GALM: variants seen among roughly 807,000 people sequenced by gnomAD.
The protein encoded by GALM is galactose mutarotase, also known as aldose 1-epimerase.
Under a neutral mutation model 37.4 loss-of-function variants are expected in GALM, and 43 were observed. The observed-to-expected ratio is 1.15, with a 90% CI of 0.90 to 1.48. The LOEUF (loss-of-function observed/expected upper bound fraction) is 1.48. Ranked by LOEUF, GALM falls within the 40% of genes most tolerant of loss-of-function variation. The pLI, the probability that GALM is intolerant of heterozygous loss-of-function variation, is 0.00. For synonymous variants in GALM, 199 were observed against 170.6 expected, an observed-to-expected ratio of 1.17 and a Z score of -1.30; for missense variants, 456 against 419.1, an observed-to-expected ratio of 1.09 and a Z score of -0.77.
At chr2:38,682,424 C>T (rs998888733) in intron 3 of GALM, among the ~76,000 whole-genome samples, 10 of 152,216 alleles carry the variant, frequency 6.6e-5, no homozygotes, top group African/African-American at 2.4e-4. Flanking sequence ...AGTAATATCT[C>T]ACCTTTTTAT....
At position 38,681,473 on chromosome 2, in the gene GALM, A is replaced by G; in HGVS notation, c.539A>G (p.Asn180Ser). ...AACCTGACCAACCATTCTTACTTCA[A>G]CCTGGCAGGCCAGGTAAGTGAACTT... is the stretch of plus-strand genomic sequence containing the variant. ...PVNLTNHSYF[N>S]LAGQASPNIN... Residue 180 changes from asparagine to serine, a missense_variant, in exon 3 of 7, where the codon AAC becomes AGC. Physicochemically the swap from Asn to Ser is conservative, Grantham distance 46 (BLOSUM62 1). Coordinates refer to ENST00000272252, the MANE Select transcript of GALM (RefSeq NM_138801.3). 1 of 1,613,784 alleles carries G rather than the reference A, an allele frequency of 6.2e-7. No individual in the cohort carries two copies.
At chr2:38,711,663 T>C (rs1310206457) in intron 4 of GALM, among the ~76,000 whole-genome samples, 1 of 133,498 alleles carries the variant, frequency 7.5e-6, no homozygotes, top group African/African-American at 2.8e-5. Context: ...TGAGAAGCAC[T>C]ATGATTAGCA....
At chr2:38,689,484 G>T (rs1490332960) in intron 3 of GALM, among the ~76,000 whole-genome samples, 1 of 152,156 alleles carries the variant, frequency 6.6e-6, no homozygotes, top group Non-Finnish European at 1.5e-5. Flanking sequence ...TGTTTGCCTG[G>T]CAAGTGAGAA....
intron 3 of GALM, among the ~76,000 whole-genome samples, chr2:38,687,126 T>C (rs1665557622): frequency 6.6e-6 from 1 of 152,172 alleles, no homozygotes; most frequent in African/African-American, 2.4e-5. Context: ...TAGTCCCAAA[T>C]TCTCTTCCCT....
chr2:38,701,065 G>T (rs1171657423), intron 4 of GALM, among the ~76,000 whole-genome samples: 1 of 152,216 alleles, frequency 6.6e-6, no homozygotes, highest in Non-Finnish European at 1.5e-5. Context: ...CCTGATTCTA[G>T]TTCCCTGCCC....
In GALM at chr2:38,721,297, G is replaced by C. The variant is rs149612778; in HGVS notation, c.635-8259G>C. 7.2e-3 allele frequency among the ~76,000 whole-genome samples: 1,096 copies of C among 152,238 alleles called. 11 individuals carry two copies. The highest frequency in any genetic ancestry group is 0.026 in the African/African-American group (1,063 of 41,530). ...GTTTAATATTTTGTGACAGAGATCT[G>C]GAATGTTATAAAGTCCTATTTCCAG... On this transcript the variant is annotated intron_variant, in intron 4 of 6. Transcript: ENST00000272252.
intron 6 of GALM, 148 bp downstream of exon 6, chr2:38,732,057 G>A: frequency 1.3e-6 from 1 of 743,280 alleles, no homozygotes; most frequent in Non-Finnish European, 2.2e-6. Flanking sequence ...TCTCACTCTT[G>A]TCGCCTAGGC....
intron 4 of GALM, among the ~76,000 whole-genome samples, chr2:38,690,707 A>T (rs1444130255): frequency 6.6e-6 from 1 of 152,178 alleles, no homozygotes; most frequent in African/African-American, 2.4e-5. Flanking sequence ...GGCTGGGATT[A>T]CAGGTGTAAG....
chr2:38,715,750 A>G (rs1666258452), intron 4 of GALM, among the ~76,000 whole-genome samples: 2 of 152,144 alleles, frequency 1.3e-5, no homozygotes, highest in South Asian at 2.1e-4. Context: ...GAGTTTTCCT[A>G]ACTCCAGAGT....
chr2:38,693,201 G>A (rs1386037276), intron 4 of GALM, among the ~76,000 whole-genome samples: 1 of 152,204 alleles, frequency 6.6e-6, no homozygotes, highest in Non-Finnish European at 1.5e-5. Flanking sequence ...TGTTAGACCA[G>A]GTCGGGTGCA....
At chr2:38,720,373 T>G (rs1666352059) in intron 4 of GALM, among the ~76,000 whole-genome samples, 1 of 145,842 alleles carries the variant, frequency 6.9e-6, no homozygotes, top group African/African-American at 2.6e-5. Context: ...TTGCAAGGAT[T>G]AATGTTCTTA....
intron 2 of GALM, among the ~76,000 whole-genome samples, chr2:38,680,687 G>A (rs184388326): frequency 8.5e-4 from 129 of 151,494 alleles, no homozygotes; most frequent in African/African-American, 3.1e-3. Context: ...GCTATATGGC[G>A]TTTAGCAGAG....
At chr2:38,668,913 A>G (rs1483537599) in intron 1 of GALM, 1 of 152,204 alleles carries the variant, frequency 6.6e-6, no homozygotes, top group Non-Finnish European at 1.5e-5. Context: ...GGATAATTCC[A>G]TGAGACATGG....
chr2:38,666,294 G>A lies in GALM; in HGVS notation c.133G>A (p.Val45Ile), dbSNP rs750862482. The change falls in exon 1 of 7, where the codon GTC becomes ATC. Residue 45 changes from valine (V) to isoleucine (I), a missense_variant. Val to Ile is a conservative substitution (Grantham distance 29, BLOSUM62 3). Transcript: ENST00000272252. ...GGGCTGCACGATCACAGCCCTAGAGGTCAAAGACAGGCAGGGGAGAGCCTC... is the reference window on the plus strand; with the variant it reads ...GGGCTGCACGATCACAGCCCTAGAGATCAAAGACAGGCAGGGGAGAGCCTC... ...SWGCTITALE[V>I]KDRQGRASDV... 1.9e-6 allele frequency: 3 copies of A among 1,613,916 alleles called. No individual in the cohort carries two copies. Among genetic ancestry groups the A allele is most frequent in the African/African-American group, 2.7e-5 (2 of 74,916 alleles).
At chr2:38,709,828 G>A (rs1401012726) in intron 4 of GALM, among the ~76,000 whole-genome samples, 1 of 152,208 alleles carries the variant, frequency 6.6e-6, no homozygotes, top group Non-Finnish European at 1.5e-5. Flanking sequence ...GCATTCTAGA[G>A]ATGATTTACG....
intron 4 of GALM, among the ~76,000 whole-genome samples, chr2:38,719,752 C>G (rs1356510460): frequency 3.0e-5 from 4 of 134,306 alleles, no homozygotes; most frequent in Non-Finnish European, 4.6e-5. Flanking sequence ...CCAGCCTGGT[C>G]GACAAGAACG....
intron 3 of GALM, among the ~76,000 whole-genome samples, chr2:38,683,359 T>C (rs1047111317): frequency 2.6e-5 from 4 of 152,164 alleles, no homozygotes; most frequent in African/African-American, 9.7e-5. Flanking sequence ...ATACCACAGA[T>C]TGAATATCCC....
chr2:38,679,504 T>G (rs925364906), intron 2 of GALM, among the ~76,000 whole-genome samples: 1 of 152,234 alleles, frequency 6.6e-6, no homozygotes, highest in Non-Finnish European at 1.5e-5. Context: ...TGACCTACAA[T>G]GATGGTCATT....
chr2:38,682,557 C>G (rs1326428637), intron 3 of GALM, among the ~76,000 whole-genome samples: 1 of 152,164 alleles, frequency 6.6e-6, no homozygotes, highest in Non-Finnish European at 1.5e-5. Context: ...TGACCCTTCA[C>G]TTGCGGGTTC....
Sources: allele counts gnomAD v4.1 joint callset (sites outside exome capture counted in the v4.1 genomes callset), GRCh38; gene constraint gnomAD v4.1.1; transcripts MANE v1.5; gene names NCBI Gene and HGNC (gene_info 2026-07-23, HGNC 2026-07-21).